Variants in MAGEB10 observed in about 807,000 individuals in gnomAD.
MAGEB10 encodes melanoma-associated antigen B10.
For missense variants in MAGEB10, 190 were observed against 261.9 expected (o/e 0.73, Z 1.89); for synonymous variants, 99 against 101.0 (o/e 0.98, Z 0.12).
chrX:27,821,648 A>C lies in MAGEB10; in HGVS notation c.342A>C (p.Lys114Asn), dbSNP rs776561147. Residue 114 changes from lysine (K) to asparagine (N), a missense_variant, in exon 3 of 3, where the codon AAA (lysine) becomes AAC (asparagine). Coordinates refer to ENST00000356790, the MANE Select transcript of MAGEB10 (RefSeq NM_182506.3). ...DSFPRGPVDEKVIILVHYLLY... is the reference protein window; with the variant it reads ...DSFPRGPVDENVIILVHYLLY... ...TTCCCAGAGGCCCTGTAGATGAGAA[A>C]GTAATTATATTGGTGCATTACTTGC... is the stretch of plus-strand genomic sequence containing the variant. 1.2e-5 allele frequency: 14 copies of C among 1,211,700 alleles called. No individual in the cohort carries two copies. In the South Asian group the frequency reaches 1.8e-4, roughly 15 times the overall value.
chrX:27,811,148 C>G (rs775101714), intron 1 of MAGEB10, among the ~76,000 whole-genome samples: 2 of 109,762 alleles, frequency 1.8e-5, no homozygotes, highest in Non-Finnish European at 3.8e-5. Flanking sequence ...ATTCATAGAG[C>G]CCTAAGAGTG....
At chrX:27,811,661 G>A (rs1004897942) in intron 1 of MAGEB10, among the ~76,000 whole-genome samples, 2 of 112,255 alleles carry the variant, frequency 1.8e-5, no homozygotes, top group Non-Finnish European at 3.8e-5. Flanking sequence ...CTTCAGCAAA[G>A]GTACAGTCTA....
chrX:27,809,143 A>C (rs1308155169), intron 1 of MAGEB10, among the ~76,000 whole-genome samples: 2 of 110,974 alleles, frequency 1.8e-5, no homozygotes, highest in African/African-American at 6.6e-5. Flanking sequence ...GTGGAGGGAG[A>C]GGCCTGGGCG....
intron 2 of MAGEB10, among the ~76,000 whole-genome samples, chrX:27,818,886 C>G (rs1329120666): frequency 9.0e-6 from 1 of 111,729 alleles, no homozygotes; most frequent in Non-Finnish European, 1.9e-5. Flanking sequence ...ATTACATGAT[C>G]TGTAGTAAAA....
At chrX:27,812,274 A>G (rs5926910) in intron 1 of MAGEB10, 64,150 of 165,747 alleles carry the variant, frequency 0.39, 11,144 homozygotes, top group African/African-American at 0.51. Flanking sequence ...GCAAGAGCCC[A>G]TTACAAAGGC....
chrX:27,809,169 C>T (rs1923605064), intron 1 of MAGEB10, among the ~76,000 whole-genome samples: 1 of 111,235 alleles, frequency 9.0e-6, no homozygotes, highest in South Asian at 3.7e-4. Context: ...CAGGGCTGCA[C>T]GTGGTGCTTG....
chrX:27,815,615 A>C (rs1415981328), intron 1 of MAGEB10, among the ~76,000 whole-genome samples: 2 of 112,249 alleles, frequency 1.8e-5, no homozygotes, highest in African/African-American at 6.5e-5. Flanking sequence ...AAAATATCGA[A>C]GCCTCTGTCT....
intron 1 of MAGEB10, among the ~76,000 whole-genome samples, chrX:27,809,599 C>A (rs1258149971): frequency 2.9e-5 from 1 of 34,204 alleles, no homozygotes; most frequent in African/African-American, 1.2e-4. Flanking sequence ...CCTGTCCTAC[C>A]GGAGCCTCCC....
chrX:27,822,495 G>T lies in MAGEB10; in HGVS notation c.*145G>T. On this transcript the variant is annotated 3_prime_UTR_variant, in exon 3 of 3. Coordinates refer to ENST00000356790, the MANE Select transcript of MAGEB10 (RefSeq NM_182506.3). ...ATGGCTTGGAATTTTTGAAGATGTT[G>T]TTCCTTTAATAGATGGTTAAAGTAG... 1.8e-6 allele frequency: 1 copy of T among 561,857 alleles called. No individual in the cohort carries two copies. The allele number at this position is 561,857 out of a possible 1,213,427, so 46.3% of individuals were successfully genotyped here.
chrX:27,820,688 G>A (rs939694448), intron 2 of MAGEB10, among the ~76,000 whole-genome samples: 1 of 111,041 alleles, frequency 9.0e-6, no homozygotes, highest in Non-Finnish European at 1.9e-5. Context: ...TGAGGGGATA[G>A]GTCTCAGGCC....
At chrX:27,809,853 A>T (rs746058435) in intron 1 of MAGEB10, among the ~76,000 whole-genome samples, 16 of 106,829 alleles carry the variant, frequency 1.5e-4, no homozygotes, top group Middle Eastern at 9.9e-3. Context: ...AAACACACCA[A>T]TCAGCACCCT....
intron 2 of MAGEB10, 101 bp from the exon 3 acceptor site, chrX:27,821,157 G>A (rs1006673188): frequency 2.1e-6 from 1 of 473,026 alleles, no homozygotes; most frequent in Non-Finnish European, 3.6e-6. Context: ...GTTTTTCCTT[G>A]AGTAATGCAC....
In MAGEB10 at chrX:27,821,898, G is replaced by A; in HGVS notation, c.592G>A (p.Val198Met). ...TGCAAAGCTGAGTGATGAAACAGGC[G>A]TGCCCAAGACTGGCCTGCTGATGAC... is the stretch of plus-strand genomic sequence containing the variant. ...CDAKLSDETG[V>M]PKTGLLMTVL... is the part of the protein sequence containing the mutation. Residue 198 changes from valine (V) to methionine (M), a missense_variant, in exon 3 of 3, where the codon GTG becomes ATG. Transcript: ENST00000356790. 2.5e-6 allele frequency: 3 copies of A among 1,211,647 alleles called. No homozygotes were observed. Among genetic ancestry groups the A allele is most frequent in the Admixed American group, 2.2e-5 (1 of 45,996 alleles).
chrX:27,814,756 A>G (rs66839571), intron 1 of MAGEB10, among the ~76,000 whole-genome samples: 5,005 of 111,752 alleles, frequency 0.045, 272 homozygotes, highest in African/African-American at 0.15. Flanking sequence ...GAGCTTTGCA[A>G]TTTTCCTGAC....
chrX:27,819,045 C>T (rs750748771), intron 2 of MAGEB10, among the ~76,000 whole-genome samples: 3 of 110,945 alleles, frequency 2.7e-5, no homozygotes, highest in Non-Finnish European at 3.8e-5. Context: ...ACAGACTGCT[C>T]AGCACAGAGA....
intron 2 of MAGEB10, among the ~76,000 whole-genome samples, chrX:27,818,935 C>T (rs193187022): frequency 1.4e-3 from 155 of 111,176 alleles, no homozygotes; most frequent in Admixed American, 2.3e-3. Context: ...GGCATTGGAC[C>T]GGGTGTCATT....
intron 2 of MAGEB10, 87 bp from the exon 3 acceptor site, chrX:27,821,171 G>T: frequency 1.9e-6 from 1 of 525,622 alleles, no homozygotes. Flanking sequence ...AATGCACCAA[G>T]AAAACTTTCA....
At chrX:27,808,112 G>A (rs1027427273) in intron 1 of MAGEB10, 76 bp downstream of exon 1, 10 of 110,498 alleles carry the variant, frequency 9.0e-5, no homozygotes, top group African/African-American at 3.3e-4. Flanking sequence ...GTCCGGCCTC[G>A]GCCTTAAGCC....
intron 1 of MAGEB10, among the ~76,000 whole-genome samples, chrX:27,810,979 GCACCC>G (rs1923669725): frequency 9.3e-6 from 1 of 107,644 alleles, no homozygotes; most frequent in African/African-American, 3.4e-5. Flanking sequence ...CATTCTGAAC[GCACCC>G]CACCCCCTCC....
Sources: allele counts gnomAD v4.1 joint callset (sites outside exome capture counted in the v4.1 genomes callset), GRCh38; gene constraint gnomAD v4.1.1; transcripts MANE v1.5; gene names NCBI Gene and HGNC (gene_info 2026-07-23, HGNC 2026-07-21).